The following SOS1 variants were observed in gnomAD, a reference collection of about 807,000 sequenced individuals.
The protein encoded by SOS1 is SOS Ras/Rac guanine nucleotide exchange factor 1.
Under a neutral mutation model 157.6 loss-of-function variants are expected in SOS1, and 25 were observed. The observed-to-expected ratio is 0.16, with a 90% CI of 0.12 to 0.22. The LOEUF (loss-of-function observed/expected upper bound fraction) is 0.22. Among genes scored for constraint, SOS1 ranks in the 10% least tolerant of loss-of-function variants. SOS1 has a pLI of 1.00. For missense variants in SOS1, 1,237 were observed against 1,599.1 expected (o/e 0.77, Z 3.86); for synonymous variants, 528 against 534.0 (o/e 0.99, Z 0.16).
Position 39,063,591 on chromosome 2 carries a change from T to G in SOS1, c.213+4037A>C, listed in dbSNP as rs1572864547. 5.3e-5 allele frequency among the ~76,000 whole-genome samples: 8 copies of G among 152,354 alleles called. 1 individual carries two copies. Among genetic ancestry groups the G allele is most frequent in the Admixed American group, 5.2e-4 (8 of 15,310 alleles). ...TCCATTCATTTGGACTATGATACTT[T>G]ATAATTTGTGATAATCTGTAGTACA... is the stretch of plus-strand genomic sequence containing the variant. On this transcript the variant is annotated intron_variant, in intron 2 of 22. Transcript: ENST00000402219.
chr2:39,038,119 T>C (rs971549170), intron 6 of SOS1, among the ~76,000 whole-genome samples: 3 of 152,190 alleles, frequency 2.0e-5, no homozygotes, highest in African/African-American at 7.2e-5. Flanking sequence ...CTGACATAGA[T>C]AGTGATTCCT....
chr2:39,063,727 C>G lies in SOS1; in HGVS notation c.213+3901G>C, dbSNP rs562957666. Among the ~76,000 whole-genome samples the G allele has an allele frequency of 2.0e-3, 312 of 152,310 alleles. 1 individual carries two copies. Among genetic ancestry groups the G allele is most frequent in the African/African-American group, 7.1e-3 (296 of 41,564 alleles). The stretch of plus-strand genomic sequence containing the variant: ...AAAACTATACAGCAACTAAAAATCA[C>G]TCTTAGACATATCCCCTAGGAGCTA... On this transcript the variant is annotated intron_variant, in intron 2 of 22. Transcript: ENST00000402219.
chr2:39,040,308 T>C (rs1047158109), intron 6 of SOS1, among the ~76,000 whole-genome samples: 4 of 152,164 alleles, frequency 2.6e-5, no homozygotes, highest in Admixed American at 6.5e-5. Context: ...TGAGCCACTG[T>C]GCCCGGCCTA....
intron 6 of SOS1, among the ~76,000 whole-genome samples, chr2:39,049,506 C>T (rs1325561952): frequency 6.6e-6 from 1 of 152,104 alleles, no homozygotes; most frequent in African/African-American, 2.4e-5. Context: ...GCATCCTAAA[C>T]TTCTTTTAAA....
At chr2:39,034,284 C>T (rs183682193) in intron 8 of SOS1, among the ~76,000 whole-genome samples, 23 of 152,320 alleles carry the variant, frequency 1.5e-4, no homozygotes, top group Admixed American at 6.5e-4. Context: ...GAGAGTTCCT[C>T]CAGTTTACTG....
At chr2:39,123,400 C>T (rs186109606), upstream of SOS1, among the ~76,000 whole-genome samples, 70 of 150,338 alleles carry the variant, frequency 4.7e-4, no homozygotes, top group African/African-American at 1.4e-3. Flanking sequence ...CATTTTGTTG[C>T]CCAGGCTAGA....
At chr2:39,060,388 A>G (rs1168172700) in intron 2 of SOS1, among the ~76,000 whole-genome samples, 1 of 152,184 alleles carries the variant, frequency 6.6e-6, no homozygotes, top group African/African-American at 2.4e-5. Flanking sequence ...TGTCCTTATT[A>G]TATGTAGCAC....
intron 1 of SOS1, among the ~76,000 whole-genome samples, chr2:39,104,261 G>A (rs553442104): frequency 2.0e-5 from 3 of 152,008 alleles, no homozygotes; most frequent in African/African-American, 7.3e-5. Context: ...CAGCCTGGGG[G>A]ACAACAGCAA....
rs2124603917 is a variant in SOS1, at chr2:39,054,827, T to C, written c.511-4A>G. ...GATGAAACATATCCATCAATACCTA[T>C]ACAGTCAGAGATATAAAAAAGTATA... On this transcript the variant is annotated splice_polypyrimidine_tract_variant and splice_region_variant and intron_variant, in intron 4 of 22. Transcript: ENST00000402219. The C allele has an allele frequency of 7.8e-7, 1 of 1,282,706 alleles. No homozygotes were observed. The highest frequency in any genetic ancestry group is 1.1e-6 in the Non-Finnish European group (1 of 879,196). The allele number at this position is 1,282,706 out of a possible 1,614,324, so 79.5% of individuals were successfully genotyped here. A position where few individuals can be genotyped will look rare whatever the true frequency, so the allele number is the denominator to read the frequency against.
chr2:39,122,908 T>C (rs554483489), upstream of SOS1, among the ~76,000 whole-genome samples: 1 of 152,244 alleles, frequency 6.6e-6, no homozygotes, highest in East Asian at 1.9e-4. Flanking sequence ...TGGTTCCAAA[T>C]GAACCAACAT....
At chr2:39,021,525 G>GAAAAA in intron 10 of SOS1, among the ~76,000 whole-genome samples, 2 of 104,704 alleles carry the variant, frequency 1.9e-5, no homozygotes, top group Non-Finnish European at 4.0e-5. Flanking sequence ...TGCTCTACAG[G>GAAAAA]AAAAAAAAAA....
Position 39,054,495 on chromosome 2 carries a change from T to A in SOS1, c.720+119A>T, listed in dbSNP as rs1671136185. 4.6e-6 allele frequency: 3 copies of A among 657,112 alleles called. No individual in the cohort carries two copies. In the South Asian group the frequency reaches 5.4e-5, roughly 12 times the overall value. The allele number at this position is 657,112 out of a possible 1,614,324, so 40.7% of individuals were successfully genotyped here. On this transcript the variant is annotated intron_variant, in intron 5 of 22. Coordinates refer to ENST00000402219, the MANE Select transcript of SOS1 (RefSeq NM_005633.4). ...TAAAACTTTGTGATCATGAATTAAGTCCCACAACTTAAAAAAATTAACAAA... is the reference window on the plus strand; with the variant it reads ...TAAAACTTTGTGATCATGAATTAAGACCCACAACTTAAAAAAATTAACAAA...
intron 14 of SOS1, among the ~76,000 whole-genome samples, chr2:39,011,219 T>C (rs1669457047): frequency 6.6e-6 from 1 of 152,200 alleles, no homozygotes; most frequent in Admixed American, 6.6e-5. Flanking sequence ...TTTTAAAAAC[T>C]ATTTTTATGG....
chr2:39,068,848 C>A (rs527517357), intron 1 of SOS1, among the ~76,000 whole-genome samples: 1 of 152,176 alleles, frequency 6.6e-6, no homozygotes, highest in East Asian at 1.9e-4. Context: ...TTGTTCCTCC[C>A]TAAATAAATG....
rs1157606391 is a variant in SOS1, at chr2:39,075,226, C to T, written c.88-7473G>A. Among the ~76,000 whole-genome samples the T allele has an allele frequency of 3.9e-5, 6 of 152,048 alleles. No homozygotes were observed. The East Asian group carries it at 9.7e-4, about 24-fold the overall frequency. On this transcript the variant is annotated intron_variant, in intron 1 of 22. Transcript: ENST00000402219. The stretch of plus-strand genomic sequence containing the variant: ...ACAGTGGGAGGTGGGAAAGAAGGGC[C>T]TGTTAAGGTAGAAGGAGGTAGGCTT...
At chr2:39,054,129 G>C (rs971249602) in intron 5 of SOS1, among the ~76,000 whole-genome samples, 1 of 152,008 alleles carries the variant, frequency 6.6e-6, no homozygotes, top group East Asian at 1.9e-4. Flanking sequence ...GGGTTTCACC[G>C]TGTTAGCCAG....
At chr2:39,038,745 A>AAAAAAAAAAAAAAAAAAAAAAAAAAAAC (rs1558482381) in intron 6 of SOS1, among the ~76,000 whole-genome samples, 3 of 147,116 alleles carry the variant, frequency 2.0e-5, no homozygotes, top group Non-Finnish European at 4.5e-5. Flanking sequence ...AAAAAAAAAA[A>AAAAAAAAAAAAAAAAAAAAAAAAAAAAC]AAAGTCGTTT....
At chr2:39,015,928 G>A (rs556783765) in intron 10 of SOS1, among the ~76,000 whole-genome samples, 135 of 150,670 alleles carry the variant, frequency 9.0e-4, no homozygotes, top group African/African-American at 2.8e-3. Flanking sequence ...ATAGAGGGTA[G>A]CAGATGCCTT....
Position 39,023,349 on chromosome 2 carries a change from C to A in SOS1, c.1203-124G>T, listed in dbSNP as rs185220724. On this transcript the variant is annotated intron_variant, in intron 9 of 22. Transcript: ENST00000402219. ...ACTGAGAAGGTATTCACTAATTCCC[C>A]AAATAGATTAGAATTACAAAATTAC... is the stretch of plus-strand genomic sequence containing the variant. The A allele has an allele frequency of 7.7e-5, 50 of 652,372 alleles. No individual in the cohort carries two copies. The East Asian group carries it at 1.4e-3, about 18-fold the overall frequency. The allele number at this position is 652,372 out of a possible 1,614,324, so 40.4% of individuals were successfully genotyped here. A position where few individuals can be genotyped will look rare whatever the true frequency, so the allele number is the denominator to read the frequency against.
Sources: gnomAD v4.1 joint callset for allele counts (sites outside exome capture counted in the v4.1 genomes callset) on GRCh38, gnomAD v4.1.1 for gene constraint, MANE v1.5 for transcripts, NCBI Gene and HGNC (gene_info 2026-07-23, HGNC 2026-07-21) for gene names.